Variants in MAD1L1 observed in about 807,000 individuals in gnomAD.
MAD1L1 encodes the protein mitotic spindle assembly checkpoint protein MAD1.
Under a neutral mutation model 96.9 loss-of-function variants are expected in MAD1L1, and 95 were observed. That is an observed-to-expected ratio of 0.98 (90% confidence interval 0.83 to 1.16). The LOEUF is 1.16. Ranked by LOEUF, MAD1L1 falls within the 50% of genes most tolerant of loss-of-function variation. The pLI, the probability that MAD1L1 is intolerant of heterozygous loss-of-function variation, is 0.00. For synonymous variants in MAD1L1, 473 were observed against 396.6 expected (o/e 1.19, Z -2.29); for missense variants, 1,007 against 954.4 (o/e 1.06, Z -0.73).
chr7:1,846,899 G>C (rs6952808), intron 18 of MAD1L1: 94,362 of 273,910 alleles, frequency 0.34, 16,938 homozygotes, highest in Admixed American at 0.44. Context: ...GCTGCTGTTT[G>C]CTCTCTGCCA....
chr7:1,848,123 G>A lies in MAD1L1; in HGVS notation c.1999-31895C>T, dbSNP rs563186234. 3.4e-4 allele frequency: 80 copies of A among 235,040 alleles called. 1 individual carries two copies. In the South Asian group the frequency reaches 4.0e-3, roughly 12 times the overall value. The allele number at this position is 235,040 out of a possible 1,614,324, so 14.6% of individuals were successfully genotyped here. On this transcript the variant is annotated intron_variant, in intron 18 of 18. Coordinates refer to ENST00000265854, the MANE Select transcript of MAD1L1 (RefSeq NM_001013836.2). ...CCTGGGGGCACACAGACCTAGTGTC[G>A]CTCTCAGGGCTGGGTCCGCAGGCCA...
chr7:1,974,645 G>C (rs1780550028), intron 15 of MAD1L1, among the ~76,000 whole-genome samples: 1 of 152,230 alleles, frequency 6.6e-6, no homozygotes, highest in Admixed American at 6.5e-5. Flanking sequence ...ATTTAAGAGA[G>C]AGAAAACTAT....
At chr7:2,100,421 C>T (rs1278393522) in intron 11 of MAD1L1, among the ~76,000 whole-genome samples, 3 of 152,234 alleles carry the variant, frequency 2.0e-5, no homozygotes, top group Non-Finnish European at 4.4e-5. Flanking sequence ...GGAGGGGGTG[C>T]CACACTCCAG....
At chr7:2,008,620 A>G (rs1782143705) in intron 13 of MAD1L1, among the ~76,000 whole-genome samples, 1 of 152,186 alleles carries the variant, frequency 6.6e-6, no homozygotes, top group African/African-American at 2.4e-5. Flanking sequence ...ACCAGATGCC[A>G]AGCCTGCTCG....
chr7:1,938,060 G>A (rs4719365), intron 16 of MAD1L1, among the ~76,000 whole-genome samples: 41 of 236 alleles, frequency 0.17, 13 homozygotes, highest in South Asian at 1. Context: ...AGCCGCCCAC[G>A]GCAGGGAGGT....
intron 18 of MAD1L1, among the ~76,000 whole-genome samples, chr7:1,860,377 T>C (rs12672749): frequency 0.033 from 1,249 of 38,240 alleles, 23 homozygotes; most frequent in African/African-American, 0.075. Flanking sequence ...GTCCCTAGAC[T>C]TGACATCCTG....
intron 10 of MAD1L1, among the ~76,000 whole-genome samples, chr7:2,198,704 G>A (rs1052799660): frequency 6.6e-6 from 1 of 152,220 alleles, no homozygotes; most frequent in Non-Finnish European, 1.5e-5. Flanking sequence ...CAGTTCTCCT[G>A]CCGCTGAGTG....
intron 18 of MAD1L1, among the ~76,000 whole-genome samples, chr7:1,879,401 G>A (rs1220158057): frequency 6.7e-6 from 1 of 149,828 alleles, no homozygotes; most frequent in East Asian, 2.0e-4. Flanking sequence ...GTTGCAGTGA[G>A]CCGAGATCAC....
At chr7:1,952,367 G>A (rs961005949) in intron 16 of MAD1L1, among the ~76,000 whole-genome samples, 12 of 152,152 alleles carry the variant, frequency 7.9e-5, no homozygotes, top group Admixed American at 5.9e-4. Flanking sequence ...CACGAGCCAC[G>A]GGAGGAAACC....
intron 11 of MAD1L1, among the ~76,000 whole-genome samples, chr7:2,108,976 C>T (rs748709934): frequency 2.6e-5 from 4 of 152,242 alleles, no homozygotes; most frequent in African/African-American, 9.6e-5. Context: ...ACCAAACAGG[C>T]GCTACCAAGT....
intron 11 of MAD1L1, among the ~76,000 whole-genome samples, chr7:2,126,234 T>TGCGC (rs1256343281): frequency 1.3e-5 from 2 of 152,162 alleles, no homozygotes; most frequent in African/African-American, 4.8e-5. Flanking sequence ...CAAGGCTCAG[T>TGCGC]GCGCGGCCCA....
intron 5 of MAD1L1, among the ~76,000 whole-genome samples, chr7:2,221,477 AC>A: frequency 6.7e-6 from 1 of 150,086 alleles, no homozygotes; most frequent in South Asian, 2.1e-4. Flanking sequence ...CCCCTCCAGG[AC>A]CCCCGCTGCA....
At chr7:2,033,414 CAG>C (rs1699331669) in intron 12 of MAD1L1, among the ~76,000 whole-genome samples, 1 of 152,240 alleles carries the variant, frequency 6.6e-6, no homozygotes, top group Admixed American at 6.5e-5. Flanking sequence ...GAAGGAATGA[CAG>C]AGAAAGACCA....
At chr7:2,053,632 T>C (rs928734918) in intron 12 of MAD1L1, among the ~76,000 whole-genome samples, 8 of 152,118 alleles carry the variant, frequency 5.3e-5, no homozygotes, top group East Asian at 3.9e-4. Flanking sequence ...CACAGCACGT[T>C]CCAGCCAGGG....
chr7:2,046,989 G>C (rs1264560156), intron 12 of MAD1L1, among the ~76,000 whole-genome samples: 1 of 152,238 alleles, frequency 6.6e-6, no homozygotes, highest in African/African-American at 2.4e-5. Context: ...TGGAGGATCA[G>C]TAATGAATGG....
At chr7:1,896,004 G>C (rs763968078) in intron 18 of MAD1L1, among the ~76,000 whole-genome samples, 8 of 152,236 alleles carry the variant, frequency 5.3e-5, no homozygotes, top group Non-Finnish European at 1.0e-4. Context: ...GCGGGGCCCA[G>C]GCCAGACCCC....
At position 2,231,610 on chromosome 7, in the gene MAD1L1, AAAT is replaced by A. The variant is rs1402522770; in HGVS notation, c.-189-886_-189-884del. ...TGCCAGAGCAAGACTCCGTTTCAAA[AAAT>A]AATAATAATTAATTAAAAAAAAAAT... On this transcript the variant is annotated intron_variant, in intron 1 of 18. Coordinates refer to ENST00000265854, the MANE Select transcript of MAD1L1 (RefSeq NM_001013836.2). Among the ~76,000 whole-genome samples the A allele has an allele frequency of 2.0e-5, 3 of 152,258 alleles. No homozygotes were observed. In the East Asian group the frequency reaches 5.8e-4, roughly 29 times the overall value.
At chr7:1,920,306 C>A (rs1323179261) in intron 17 of MAD1L1, among the ~76,000 whole-genome samples, 3 of 152,210 alleles carry the variant, frequency 2.0e-5, no homozygotes, top group Admixed American at 1.3e-4. Flanking sequence ...CGGCAGAACC[C>A]TGCCCAGTAA....
At chr7:1,943,782 G>T (rs1374553432) in intron 16 of MAD1L1, among the ~76,000 whole-genome samples, 4 of 152,042 alleles carry the variant, frequency 2.6e-5, no homozygotes, top group African/African-American at 9.6e-5. Flanking sequence ...GTCCGTGAAT[G>T]TTCAGGGCAG....
Sources: gnomAD v4.1 joint callset for allele counts (sites outside exome capture counted in the v4.1 genomes callset) on GRCh38, gnomAD v4.1.1 for gene constraint, MANE v1.5 for transcripts, NCBI Gene and HGNC (gene_info 2026-07-23, HGNC 2026-07-21) for gene names.